Variants in EMCN observed in about 807,000 individuals in gnomAD.
EMCN encodes endomucin.
Under a neutral mutation model 38.4 loss-of-function variants are expected in EMCN, and 37 were observed. The observed-to-expected ratio is 0.96, with a 90% confidence interval of 0.74 to 1.27. EMCN has a LOEUF of 1.27. Among genes scored for constraint, EMCN ranks in the 50% most tolerant of loss-of-function variants. EMCN has a pLI of 0.00. For missense variants in EMCN, 318 were observed against 302.8 expected (o/e 1.05, Z -0.37); for synonymous variants, 95 against 100.8 (o/e 0.94, Z 0.35).
At chr4:100,461,609 G>T (rs947868150) in intron 4 of EMCN, among the ~76,000 whole-genome samples, 1 of 152,050 alleles carries the variant, frequency 6.6e-6, no homozygotes, top group Non-Finnish European at 1.5e-5. Flanking sequence ...TCTAGAAATT[G>T]TTTCCTTTTA....
At chr4:100,471,082 A>G (rs72927856) in intron 3 of EMCN, among the ~76,000 whole-genome samples, 3,437 of 152,074 alleles carry the variant, frequency 0.023, 127 homozygotes, top group African/African-American at 0.078. Flanking sequence ...AAGCCGTGGG[A>G]AAGAAACACT....
At chr4:100,447,031 G>A (rs1224935624) in intron 5 of EMCN, among the ~76,000 whole-genome samples, 3 of 152,088 alleles carry the variant, frequency 2.0e-5, no homozygotes, top group Non-Finnish European at 4.4e-5. Context: ...CCTGCCCAAC[G>A]ATCTTCAATT....
At chr4:100,414,999 A>G (rs1257839990) in intron 10 of EMCN, among the ~76,000 whole-genome samples, 4 of 152,124 alleles carry the variant, frequency 2.6e-5, no homozygotes, top group East Asian at 1.9e-4. Flanking sequence ...GGGTTCCAGC[A>G]TTTCTCCTGC....
intron 11 of EMCN, among the ~76,000 whole-genome samples, chr4:100,398,955 A>C (rs942953449): frequency 6.6e-6 from 1 of 152,100 alleles, no homozygotes; most frequent in East Asian, 1.9e-4. Context: ...AAAGTCCTTA[A>C]CTGTACCCTA....
chr4:100,501,224 T>C (rs1381286730), intron 1 of EMCN, among the ~76,000 whole-genome samples: 1 of 152,160 alleles, frequency 6.6e-6, no homozygotes, highest in Admixed American at 6.5e-5. Context: ...TTAGCTTTCA[T>C]ATGTAGTGCT....
chr4:100,398,909 T>C (rs1291991731), intron 11 of EMCN, among the ~76,000 whole-genome samples: 1 of 152,146 alleles, frequency 6.6e-6, no homozygotes, highest in African/African-American at 2.4e-5. Flanking sequence ...CACACTGGTG[T>C]ATATCAAGCA....
chr4:100,491,883 C>T (rs1207295696), intron 1 of EMCN, among the ~76,000 whole-genome samples: 3 of 152,144 alleles, frequency 2.0e-5, no homozygotes, highest in African/African-American at 7.2e-5. Flanking sequence ...GAATCACAGG[C>T]TAGACTAAAT....
chr4:100,490,940 A>G (rs1026281393), intron 1 of EMCN, among the ~76,000 whole-genome samples: 3 of 152,058 alleles, frequency 2.0e-5, no homozygotes, highest in Non-Finnish European at 4.4e-5. Context: ...TTTTTCATAT[A>G]TCTGTTGGCC....
intron 11 of EMCN, among the ~76,000 whole-genome samples, chr4:100,405,704 G>T (rs1339939507): frequency 6.6e-6 from 1 of 151,940 alleles, no homozygotes; most frequent in African/African-American, 2.4e-5. Context: ...TTGTGTTTCT[G>T]CAGGTTTCAT....
chr4:100,515,095 A>G (rs1307236313), intron 1 of EMCN, among the ~76,000 whole-genome samples: 1 of 152,148 alleles, frequency 6.6e-6, no homozygotes, highest in East Asian at 1.9e-4. Flanking sequence ...TCATATACCA[A>G]TAAAGAAAAT....
intron 1 of EMCN, among the ~76,000 whole-genome samples, chr4:100,503,951 A>C (rs1372013992): frequency 6.6e-6 from 1 of 152,202 alleles, no homozygotes; most frequent in Non-Finnish European, 1.5e-5. Flanking sequence ...AGATATCTAG[A>C]TATGTTAAAT....
intron 10 of EMCN, among the ~76,000 whole-genome samples, chr4:100,410,907 G>A (rs182585223): frequency 6.6e-6 from 1 of 152,222 alleles, no homozygotes; most frequent in East Asian, 1.9e-4. Context: ...TATTAACCTA[G>A]GATGGTGGCA....
chr4:100,484,544 T>C (rs1258510174), intron 1 of EMCN, among the ~76,000 whole-genome samples: 1 of 152,134 alleles, frequency 6.6e-6, no homozygotes, highest in Non-Finnish European at 1.5e-5. Flanking sequence ...GCACCATGAC[T>C]GGCTAAAGTC....
intron 1 of EMCN, among the ~76,000 whole-genome samples, chr4:100,494,382 C>CAGACTGT (rs1729158996): frequency 6.6e-6 from 1 of 152,124 alleles, no homozygotes; most frequent in Non-Finnish European, 1.5e-5. Context: ...TAATAGGCAA[C>CAGACTGT]AGACACAGTT....
chr4:100,489,420 C>T (rs770744966), intron 1 of EMCN, among the ~76,000 whole-genome samples: 1 of 152,158 alleles, frequency 6.6e-6, no homozygotes, highest in Non-Finnish European at 1.5e-5. Context: ...TTTAGATTCA[C>T]AGCAGCAGTG....
chr4:100,447,625 A>G (rs1042876528), intron 4 of EMCN, 54 bp from the exon 5 acceptor site: 1 of 1,136,700 alleles, frequency 8.8e-7, no homozygotes, highest in Non-Finnish European at 1.3e-6. Context: ...TGAATATCAG[A>G]TCTATTCTCA....
At chr4:100,435,880 A>G (rs773960669) in intron 5 of EMCN, among the ~76,000 whole-genome samples, 2 of 152,220 alleles carry the variant, frequency 1.3e-5, no homozygotes, top group South Asian at 2.1e-4. Context: ...AATTAACTCA[A>G]GATGGATTAA....
At chr4:100,453,879 G>A (rs1168816682) in intron 4 of EMCN, among the ~76,000 whole-genome samples, 1 of 152,062 alleles carries the variant, frequency 6.6e-6, no homozygotes, top group Non-Finnish European at 1.5e-5. Flanking sequence ...GTAGGGACAT[G>A]GTTGAAGCTG....
At chr4:100,459,257 G>T (rs1728108331) in intron 4 of EMCN, among the ~76,000 whole-genome samples, 1 of 145,980 alleles carries the variant, frequency 6.9e-6, no homozygotes, top group South Asian at 2.2e-4. Flanking sequence ...CAGAGAGGTT[G>T]TTTTCAGTAT....
Sources: allele counts gnomAD v4.1 joint callset (sites outside exome capture counted in the v4.1 genomes callset), GRCh38; gene constraint gnomAD v4.1.1; transcripts MANE v1.5; gene names NCBI Gene and HGNC (gene_info 2026-07-23, HGNC 2026-07-21).